SGCZ: variants seen among roughly 807,000 people sequenced by gnomAD.
The protein encoded by SGCZ is sarcoglycan zeta.
A neutral mutation model predicts 41.3 loss-of-function variants in SGCZ; 40 were observed. The ratio of observed to expected loss-of-function variants is 0.97; its 90% CI spans 0.75 to 1.26. SGCZ has a LOEUF of 1.26. Ranked by LOEUF, SGCZ falls within the 50% of genes most tolerant of loss-of-function variation. SGCZ has a pLI of 0.00. For missense variants in SGCZ, 552 were observed against 369.8 expected, an observed-to-expected ratio of 1.49 and a Z score of -4.04; for synonymous variants, 206 against 137.5, an observed-to-expected ratio of 1.50 and a Z score of -3.49.
intron 2 of SGCZ, among the ~76,000 whole-genome samples, chr8:14,356,646 C>T (rs1803303070): frequency 6.6e-6 from 1 of 151,708 alleles, no homozygotes; most frequent in African/African-American, 2.4e-5. Flanking sequence ...AAATCTTTAC[C>T]CATATGAAGC....
intron 1 of SGCZ, among the ~76,000 whole-genome samples, chr8:14,662,371 T>C (rs1807781879): frequency 6.6e-6 from 1 of 152,186 alleles, no homozygotes; most frequent in South Asian, 2.1e-4. Flanking sequence ...AAATGGGCAA[T>C]ATTATGTTTT....
chr8:14,850,745 T>C (rs1451309577), intron 1 of SGCZ, among the ~76,000 whole-genome samples: 1 of 152,148 alleles, frequency 6.6e-6, no homozygotes, highest in Non-Finnish European at 1.5e-5. Context: ...AATTGAATCA[T>C]GGCGGCAGTT....
At chr8:15,101,504 C>T (rs1197513624) in intron 1 of SGCZ, among the ~76,000 whole-genome samples, 1 of 152,116 alleles carries the variant, frequency 6.6e-6, no homozygotes. Context: ...TAACAGATGT[C>T]ACTAGGAAAT....
At chr8:14,828,574 A>C (rs1348099592) in intron 1 of SGCZ, among the ~76,000 whole-genome samples, 1 of 152,206 alleles carries the variant, frequency 6.6e-6, no homozygotes, top group Non-Finnish European at 1.5e-5. Flanking sequence ...ACATGACTTC[A>C]TCCAGTACAG....
chr8:14,800,334 T>C (rs891902386), intron 1 of SGCZ, among the ~76,000 whole-genome samples: 4 of 152,142 alleles, frequency 2.6e-5, no homozygotes, highest in Admixed American at 6.5e-5. Flanking sequence ...TTGTACCTCA[T>C]ACTATAGATA....
At chr8:14,825,885 T>C (rs965733421) in intron 1 of SGCZ, among the ~76,000 whole-genome samples, 1 of 152,256 alleles carries the variant, frequency 6.6e-6, no homozygotes, top group Non-Finnish European at 1.5e-5. Flanking sequence ...CAGGATTTTC[T>C]TCCATTTTAT....
At chr8:14,901,210 G>T (rs188294754) in intron 1 of SGCZ, among the ~76,000 whole-genome samples, 148 of 152,206 alleles carry the variant, frequency 9.7e-4, no homozygotes, top group African/African-American at 3.3e-3. Flanking sequence ...TATCCTTAAT[G>T]AACCCTAAAT....
intron 1 of SGCZ, among the ~76,000 whole-genome samples, chr8:15,103,764 T>C (rs1806705030): frequency 6.6e-6 from 1 of 152,004 alleles, no homozygotes; most frequent in Non-Finnish European, 1.5e-5. Context: ...CTTGGTACCA[T>C]TAAACAGTAA....
chr8:14,295,456 C>T (rs1043146423), intron 3 of SGCZ, among the ~76,000 whole-genome samples: 1 of 152,106 alleles, frequency 6.6e-6, no homozygotes, highest in African/African-American at 2.4e-5. Context: ...AATCAAGAAT[C>T]TGTCCATAAT....
At chr8:14,293,116 C>G (rs1464391965) in intron 3 of SGCZ, among the ~76,000 whole-genome samples, 4 of 151,838 alleles carry the variant, frequency 2.6e-5, no homozygotes, top group African/African-American at 9.7e-5. Flanking sequence ...CCAAAAATGT[C>G]CTTGTAAGCT....
Position 14,972,174 on chromosome 8 carries a change from T to G in SGCZ, c.39+265411A>C, listed in dbSNP as rs140785493. 3.3e-3 allele frequency among the ~76,000 whole-genome samples: 500 copies of G among 152,262 alleles called. 4 individuals carry two copies. Among genetic ancestry groups the G allele is most frequent in the Non-Finnish European group, 8.4e-4 (57 of 68,020 alleles). ...TGATACGGAGTTTGCCTTTCAAATT[T>G]TTAAATTTCATATTAGTAATTTAAA... is the stretch of plus-strand genomic sequence containing the variant. On this transcript the variant is annotated intron_variant, in intron 1 of 7. Transcript: ENST00000382080.
At chr8:14,550,757 G>C (rs1429834266) in intron 2 of SGCZ, among the ~76,000 whole-genome samples, 1 of 151,942 alleles carries the variant, frequency 6.6e-6, no homozygotes, top group African/African-American at 2.4e-5. Context: ...CCTTTAGAAG[G>C]ACATACATCA....
At position 14,928,199 on chromosome 8, in the gene SGCZ, T is replaced by C. The variant is rs192112339; in HGVS notation, c.39+309386A>G. Among the ~76,000 whole-genome samples the C allele has an allele frequency of 2.9e-3, 436 of 152,302 alleles. 3 individuals are homozygous for C. Among genetic ancestry groups the C allele is most frequent in the African/African-American group, 9.8e-3 (406 of 41,568 alleles). On this transcript the variant is annotated intron_variant, in intron 1 of 7. Transcript: ENST00000382080. ...TGAGTAATAAGGAAATTAATGTCAA[T>C]GACATCATTCAAGAATGAAGACTGA...
chr8:14,109,472 ATCT>A (rs889010312), intron 5 of SGCZ, among the ~76,000 whole-genome samples: 10 of 152,158 alleles, frequency 6.6e-5, no homozygotes, highest in African/African-American at 2.4e-4. Context: ...TTCTGGTCTA[ATCT>A]TCTTCAAAGT....
intron 2 of SGCZ, among the ~76,000 whole-genome samples, chr8:14,466,928 G>A (rs10110727): frequency 0.22 from 33,989 of 151,270 alleles, 4,312 homozygotes; most frequent in Non-Finnish European, 0.29. Flanking sequence ...TCTTTGTCTC[G>A]TGGATCTGTC....
intron 1 of SGCZ, among the ~76,000 whole-genome samples, chr8:14,766,177 C>T (rs146466999): frequency 2.0e-5 from 3 of 152,098 alleles, no homozygotes; most frequent in African/African-American, 4.8e-5. Context: ...CCAGGCTGGC[C>T]TTGAAGTCCT....
chr8:14,784,600 G>A (rs796713910), intron 1 of SGCZ, among the ~76,000 whole-genome samples: 5 of 151,930 alleles, frequency 3.3e-5, no homozygotes, highest in African/African-American at 1.2e-4. Context: ...AGAATGATAA[G>A]ATGCATGTAG....
intron 1 of SGCZ, among the ~76,000 whole-genome samples, chr8:14,976,536 C>T (rs1042855784): frequency 6.6e-6 from 1 of 152,056 alleles, no homozygotes; most frequent in Non-Finnish European, 1.5e-5. Context: ...TTTAAGATAT[C>T]TATTCCTATG....
intron 1 of SGCZ, among the ~76,000 whole-genome samples, chr8:15,147,861 T>C (rs914869099): frequency 6.6e-6 from 1 of 152,238 alleles, no homozygotes; most frequent in African/African-American, 2.4e-5. Context: ...CTATGAATTA[T>C]ATATGTCTCT....
Sources: gnomAD v4.1 joint callset for allele counts (sites outside exome capture counted in the v4.1 genomes callset) on GRCh38, gnomAD v4.1.1 for gene constraint, MANE v1.5 for transcripts, NCBI Gene and HGNC (gene_info 2026-07-23, HGNC 2026-07-21) for gene names.